Variants in MICAL1 observed in about 807,000 individuals in gnomAD.
MICAL1 encodes [F-actin]-monooxygenase MICAL1.
In MICAL1, 95 loss-of-function variants were observed where a neutral mutation model predicts 131.8. The ratio of observed to expected loss-of-function variants is 0.72; its 90% confidence interval spans 0.61 to 0.86. The LOEUF (loss-of-function observed/expected upper bound fraction) is 0.86, where lower values mean the gene tolerates loss of function less well. Ranked by LOEUF, MICAL1 falls within the 40% of genes least tolerant of loss-of-function variation. The probability of loss-of-function intolerance (pLI) is 0.00; values close to 1 mark genes in which losing one functional copy is unlikely to be tolerated. For synonymous variants in MICAL1, 546 were observed against 554.2 expected (o/e 0.99, Z 0.21); for missense variants, 1,292 against 1,380.6 (o/e 0.94, Z 1.02).
intron 11 of MICAL1, 82 bp from the exon 12 acceptor site, chr6:109,448,961 G>C: frequency 6.4e-7 from 1 of 1,559,492 alleles, no homozygotes; most frequent in African/African-American, 1.4e-5. Context: ...GCATGTGGGG[G>C]TTCTGTAGGG....
Position 109,449,208 on chromosome 6 carries a change from T to C in MICAL1, c.1516+192A>G, listed in dbSNP as rs1775398223. On this transcript the variant is annotated intron_variant, in intron 11 of 24. Transcript: ENST00000358807. ...AACACTAACGCGCTTACATTCAGAC[T>C]GGCAGCCAACTGCTGCCTGTGCGGT... 10 of 730,672 alleles carry C rather than the reference T, an allele frequency of 1.4e-5. No homozygotes were observed. In the South Asian group the frequency reaches 1.5e-4, roughly 11 times the overall value. 45.3% of individuals were successfully genotyped at this position (730,672 alleles called of 1,614,324 possible). A position where few individuals can be genotyped will look rare whatever the true frequency, so the allele number is the denominator to read the frequency against.
intron 3 of MICAL1, 66 bp from the exon 4 acceptor site, chr6:109,453,433 G>A: frequency 6.4e-7 from 1 of 1,554,792 alleles, no homozygotes; most frequent in East Asian, 2.3e-5. Context: ...GTACCAGTGT[G>A]TGCCTGGTCA....
At chr6:109,446,848 A>T in intron 17 of MICAL1, 76 bp from the exon 18 acceptor site, 1 of 1,418,866 alleles carries the variant, frequency 7.0e-7, no homozygotes, top group Non-Finnish European at 9.8e-7. Context: ...TTTATGAAGG[A>T]AGGTGGGGAA....
At chr6:109,451,343 G>A (rs1420511085) in intron 7 of MICAL1, among the ~76,000 whole-genome samples, 2 of 152,012 alleles carry the variant, frequency 1.3e-5, no homozygotes, top group Non-Finnish European at 2.9e-5. Flanking sequence ...TAGTAGAGAC[G>A]GGGTTTCACC....
At chr6:109,447,334 T>G (rs759300298) in intron 16 of MICAL1, 23 bp downstream of exon 16, 2 of 1,614,018 alleles carry the variant, frequency 1.2e-6, no homozygotes, top group Non-Finnish European at 1.7e-6. Flanking sequence ...GGCCTCTGCC[T>G]GCACACAAAG....
At chr6:109,451,246 C>T (rs1431022839) in intron 7 of MICAL1, among the ~76,000 whole-genome samples, 5 of 151,682 alleles carry the variant, frequency 3.3e-5, no homozygotes, top group African/African-American at 4.9e-5. Context: ...TTCCGCCTCC[C>T]AGGTTCAAAT....
Position 109,446,129 on chromosome 6 carries a change from G to A in MICAL1, c.2581+7C>T. The A allele has an allele frequency of 1.3e-6, 2 of 1,534,290 alleles. No homozygotes were observed. Among genetic ancestry groups the A allele is most frequent in the Non-Finnish European group, 1.7e-6 (2 of 1,144,870 alleles). ...CCTGGGTCAGCACATCTGTGAGGAT[G>A]GGTTACCTTGAGGGCTCTGGACTGG... On this transcript the variant is annotated splice_region_variant and intron_variant, in intron 19 of 24. Coordinates refer to ENST00000358807, the MANE Select transcript of MICAL1 (RefSeq NM_022765.4).
chr6:109,458,730 A>G (rs1775817124), upstream of MICAL1, among the ~76,000 whole-genome samples: 1 of 152,072 alleles, frequency 6.6e-6, no homozygotes, highest in African/African-American at 2.4e-5. Flanking sequence ...TCACCTCCCA[A>G]TTTCTTATCT....
rs1409044043 is a variant in MICAL1 at position 109,451,867 on chromosome 6, C to T, written c.833-167G>A. 1.1e-5 allele frequency: 16 copies of T among 1,414,114 alleles called. No homozygotes were observed. The Middle Eastern group carries it at 7.6e-4, about 67-fold the overall frequency. 87.6% of individuals were successfully genotyped at this position (1,414,114 alleles called of 1,614,324 possible). On this transcript the variant is annotated intron_variant, in intron 6 of 24. Transcript: ENST00000358807. ...CCTGATGACACAAACAACCATCTGT[C>T]CCAGGCCCAGGAGGCCTGAGGACTT...
chr6:109,444,337 T>A lies in MICAL1; in HGVS notation c.3058A>T (p.Asn1020Tyr). 2.5e-6 allele frequency: 4 copies of A among 1,613,384 alleles called. No individual in the cohort carries two copies. The highest frequency in any genetic ancestry group is 3.4e-6 in the Non-Finnish European group (4 of 1,180,024). Residue 1020 changes from asparagine (N) to tyrosine (Y), a missense_variant and splice_region_variant, in exon 25 of 25, where the codon AAC (asparagine) becomes TAC (tyrosine). Transcript: ENST00000358807. ...TGCCGATCAGCAGCTGTCTTTAGGTTTTCTAAAAGGAGGAGACAAAGCTTA... is the reference window on the plus strand; with the variant it reads ...TGCCGATCAGCAGCTGTCTTTAGGTATTCTAAAAGGAGGAGACAAAGCTTA... ...ELRGYMNREENLKTAADRQAE... is the reference protein window; with the variant it reads ...ELRGYMNREEYLKTAADRQAE...
chr6:109,446,024 AC>A, intron 19 of MICAL1, 111 bp downstream of exon 19: 2 of 1,470,332 alleles, frequency 1.4e-6, no homozygotes, highest in Non-Finnish European at 1.8e-6. Context: ...AGAGGCTGCC[AC>A]GGCCTGGGAT....
In MICAL1 at chr6:109,444,207, G is replaced by A; in HGVS notation, c.3188C>T (p.Thr1063Ile). The A allele has an allele frequency of 1.2e-6, 2 of 1,613,206 alleles. No homozygotes were observed. Among genetic ancestry groups the A allele is most frequent in the Non-Finnish European group, 1.7e-6 (2 of 1,179,964 alleles). ...CACCCTCGTCTAGCCCTGGGCCCCT[G>A]TCCCCAAGGCCAGCTCGCTGAGCCT... Reference protein sequence around the residue: ...ERRLSELALGTGAQG With the variant: ...ERRLSELALGIGAQG The change falls in exon 25 of 25, where the codon ACA becomes ATA. Residue 1063 changes from threonine (T) to isoleucine (I), a missense_variant. Physicochemically the swap from Thr to Ile is moderately conservative, Grantham distance 89. Coordinates refer to ENST00000358807, the MANE Select transcript of MICAL1 (RefSeq NM_022765.4).
In MICAL1 at chr6:109,444,448, A is replaced by G. The variant is rs1359981288; in HGVS notation, c.3056-109T>C. On this transcript the variant is annotated intron_variant, in intron 24 of 24. Coordinates refer to ENST00000358807, the MANE Select transcript of MICAL1 (RefSeq NM_022765.4). ...TTCTATAACCCGGGCTTTGTTTCCT[A>G]AGCTGCCAAATTAGGAGGGTTGCCA... The G allele has an allele frequency of 2.0e-6, 3 of 1,489,248 alleles. No individual in the cohort carries two copies. In the African/African-American group the frequency reaches 4.2e-5, roughly 21 times the overall value. 92.3% of individuals were successfully genotyped at this position (1,489,248 alleles called of 1,614,324 possible).
chr6:109,446,309 C>CG lies in MICAL1; in HGVS notation c.2407dup (p.Arg803ProfsTer18), dbSNP rs775806858. ...CGGGCTGGAGAGGCGGATCTGCCGACGGGTGGGCTGGCTGGGATCTGGAAC... is the reference window on the plus strand; with the variant it reads ...CGGGCTGGAGAGGCGGATCTGCCGACGGGGTGGGCTGGCTGGGATCTGGAAC... On this transcript the variant is annotated frameshift_variant, in exon 19 of 25. Transcript: ENST00000358807. LOFTEE classifies it high-confidence loss of function. 6.2e-7 allele frequency: 1 copy of CG among 1,613,618 alleles called. No individual in the cohort carries two copies. Among genetic ancestry groups the CG allele is most frequent in the Admixed American group, 1.7e-5 (1 of 59,964 alleles).
At chr6:109,449,230 C>G (rs555412704) in intron 11 of MICAL1, 170 bp downstream of exon 11, 1 of 759,350 alleles carries the variant, frequency 1.3e-6, no homozygotes, top group Non-Finnish European at 2.3e-6. Flanking sequence ...GCTGCCTGTG[C>G]GGTGCTGCCC....
intron 1 of MICAL1, 65 bp from the exon 2 acceptor site, chr6:109,454,304 C>T (rs1415272024): frequency 5.5e-6 from 8 of 1,445,970 alleles, no homozygotes; most frequent in South Asian, 2.7e-5. Flanking sequence ...GAAGGGGAGG[C>T]GAAGAGAGCA....
At position 109,448,846 on chromosome 6, in the gene MICAL1, C is replaced by G; in HGVS notation, c.1550G>C (p.Trp517Ser). ...SAGTQEELLR[W>S]CQEQTAGYPG... ...GTACCCAGCTGTCTGCTCCTGGCAC[C>G]AGCGTAGCAGCTCCTCCTGGGTGCC... Residue 517 changes from tryptophan (W) to serine (S), a missense_variant, in exon 12 of 25, where the codon TGG (tryptophan) becomes TCG (serine). Trp to Ser is a radical substitution (Grantham distance 177, BLOSUM62 -3). Coordinates refer to ENST00000358807, the MANE Select transcript of MICAL1 (RefSeq NM_022765.4). 6.2e-7 allele frequency: 1 copy of G among 1,613,902 alleles called. No homozygotes were observed. The highest frequency in any genetic ancestry group is 8.5e-7 in the Non-Finnish European group (1 of 1,179,974).
At chr6:109,459,098 G>A (rs1350635298), upstream of MICAL1, among the ~76,000 whole-genome samples, 4 of 152,176 alleles carry the variant, frequency 2.6e-5, no homozygotes, top group South Asian at 2.1e-4. Context: ...AAGGAACCAC[G>A]TGACGAAATG....
chr6:109,447,130 A>G lies in MICAL1; in HGVS notation c.2170T>C (p.Cys724Arg). ...GHFFHRSCFRCHTCEATLWPG... is the reference protein window; with the variant it reads ...GHFFHRSCFRRHTCEATLWPG... Reference sequence around the variant, plus strand: ...CACAGTGTGGCCTCACAGGTATGGCAGCGGAAGCAGCTCCGGTGGAAGAAA... The same window carrying G: ...CACAGTGTGGCCTCACAGGTATGGCGGCGGAAGCAGCTCCGGTGGAAGAAA... The change falls in exon 17 of 25, where the codon TGC becomes CGC. Residue 724 changes from cysteine (C) to arginine (R), a missense_variant. Transcript: ENST00000358807. 6.2e-7 allele frequency: 1 copy of G among 1,614,132 alleles called. No individual in the cohort carries two copies. Among genetic ancestry groups the G allele is most frequent in the East Asian group, 2.2e-5 (1 of 44,882 alleles).
Sources: allele counts gnomAD v4.1 joint callset (sites outside exome capture counted in the v4.1 genomes callset), GRCh38; gene constraint gnomAD v4.1.1; transcripts MANE v1.5; gene names NCBI Gene and HGNC (gene_info 2026-07-23, HGNC 2026-07-21).